Variants in REL observed in about 807,000 individuals in gnomAD.
REL encodes the protein REL proto-oncogene, NF-kB subunit.
A neutral mutation model predicts 45.9 loss-of-function variants in REL; 15 were observed. That is an observed-to-expected ratio of 0.33 (90% CI 0.22 to 0.50). The LOEUF is 0.50. Among genes scored for constraint, REL ranks in the 20% least tolerant of loss-of-function variants. REL has a pLI of 0.98. For missense variants in REL, 601 were observed against 715.2 expected (o/e 0.84, Z 1.82); for synonymous variants, 239 against 242.1 (o/e 0.99, Z 0.12).
Position 60,920,606 on chromosome 2 carries a change from C to T in REL, c.955C>T (p.Leu319Phe), listed in dbSNP as rs1674115316. ...NFPERPRPGLLGSIGEGRYFK... is the reference protein window; with the variant it reads ...NFPERPRPGLFGSIGEGRYFK... ...TCCTGAGAGACCAAGACCTGGTCTC[C>T]TCGGTTCAATTGGAGAAGGAAGATA... The change falls in exon 9 of 10, where the codon CTC (leucine) becomes TTC (phenylalanine). Residue 319 changes from leucine (L) to phenylalanine (F), a missense_variant. Coordinates refer to ENST00000394479, the MANE Select transcript of REL (RefSeq NM_001291746.2). 7.5e-6 allele frequency: 12 copies of T among 1,605,194 alleles called. No homozygotes were observed. Among genetic ancestry groups the T allele is most frequent in the Non-Finnish European group, 1.0e-5 (12 of 1,173,860 alleles).
At chr2:60,891,587 T>G in intron 1 of REL, 96 bp from the exon 2 acceptor site, 1 of 1,109,654 alleles carries the variant, frequency 9.0e-7, no homozygotes, top group South Asian at 1.9e-5. Flanking sequence ...AAAATCTTTG[T>G]TTTAGTCTGC....
Position 60,894,395 on chromosome 2 carries a change from A to C in REL, c.154-2A>C. On this transcript the variant is annotated splice_acceptor_variant, in intron 2 of 9. Coordinates refer to ENST00000394479, the MANE Select transcript of REL (RefSeq NM_001291746.2). LOFTEE classifies it high-confidence loss of function. ...ATGTATTTAATTTCCCCCTTTTTTC[A>C]GATTATGAACTATTATGGAAAAGGA... is the stretch of plus-strand genomic sequence containing the variant. The C allele has an allele frequency of 6.8e-7, 1 of 1,475,240 alleles. No individual in the cohort carries two copies. Among genetic ancestry groups the C allele is most frequent in the Non-Finnish European group, 9.2e-7 (1 of 1,092,526 alleles). The allele number at this position is 1,475,240 out of a possible 1,614,324, so 91.4% of individuals were successfully genotyped here.
At position 60,922,738 on chromosome 2, in the gene REL, G is replaced by C. The variant is rs1047794564; in HGVS notation, c.*203G>C. 1.3e-5 allele frequency: 15 copies of C among 1,178,000 alleles called. No homozygotes were observed. In the African/African-American group the frequency reaches 2.4e-4, roughly 19 times the overall value. The allele number at this position is 1,178,000 out of a possible 1,614,324, so 73.0% of individuals were successfully genotyped here. ...GGACATAGCGAATACAAAATTGGAA[G>C]CTGTCATAAAAAGACAACTCAGAGG... On this transcript the variant is annotated 3_prime_UTR_variant, in exon 10 of 10. Coordinates refer to ENST00000394479, the MANE Select transcript of REL (RefSeq NM_001291746.2).
chr2:60,906,398 C>G (rs1234578580), intron 4 of REL, among the ~76,000 whole-genome samples: 1 of 152,150 alleles, frequency 6.6e-6, no homozygotes, highest in African/African-American at 2.4e-5. Flanking sequence ...TCAGTGGTTC[C>G]CAAGCTACAA....
chr2:60,898,392 T>A (rs1673409984), intron 3 of REL, among the ~76,000 whole-genome samples: 1 of 152,244 alleles, frequency 6.6e-6, no homozygotes, highest in Non-Finnish European at 1.5e-5. Context: ...ATTTTTATAC[T>A]CCACTCACAA....
At chr2:60,895,441 A>G (rs946179899) in intron 3 of REL, among the ~76,000 whole-genome samples, 2 of 152,104 alleles carry the variant, frequency 1.3e-5, no homozygotes, top group South Asian at 2.1e-4. Context: ...TTGGCCTCCC[A>G]AAGTGCTTGG....
chr2:60,900,946 C>A, intron 3 of REL, 46 bp from the exon 4 acceptor site: 1 of 1,499,878 alleles, frequency 6.7e-7, no homozygotes, highest in Non-Finnish European at 9.2e-7. Flanking sequence ...TTGCAATATT[C>A]CTTGTGTTTA....
At chr2:60,903,190 C>T (rs1320984490) in intron 4 of REL, among the ~76,000 whole-genome samples, 2 of 152,182 alleles carry the variant, frequency 1.3e-5, no homozygotes, top group Non-Finnish European at 2.9e-5. Flanking sequence ...TTTATGCACA[C>T]TACTTTATTT....
intron 7 of REL, 116 bp from the exon 8 acceptor site, chr2:60,919,925 C>T: frequency 1.5e-6 from 1 of 649,552 alleles, no homozygotes; most frequent in South Asian, 2.0e-5. Context: ...TTAAATCCAA[C>T]TTACATACAT....
Position 60,881,664 on chromosome 2 carries a change from G to A in REL, c.-177G>A, listed in dbSNP as rs1672938456. On this transcript the variant is annotated 5_prime_UTR_variant, in exon 1 of 10. Coordinates refer to ENST00000394479, the MANE Select transcript of REL (RefSeq NM_001291746.2). ...CCCGGGGTGCAAGAATTCAGGGGTT[G>A]GGAAGGTGTGAGCCGCAAACCCAGC... The A allele has an allele frequency of 1.8e-6, 1 of 541,650 alleles. No individual in the cohort carries two copies. The highest frequency in any genetic ancestry group is 3.3e-6 in the Non-Finnish European group (1 of 306,410). The allele number at this position is 541,650 out of a possible 1,614,324, so 33.6% of individuals were successfully genotyped here.
chr2:60,889,502 T>C (rs898893231), intron 1 of REL, among the ~76,000 whole-genome samples: 4 of 152,206 alleles, frequency 2.6e-5, no homozygotes, highest in African/African-American at 4.8e-5. Flanking sequence ...TTAGGGTACA[T>C]GTACACATCG....
chr2:60,917,149 A>C (rs1005137368), intron 5 of REL, 132 bp downstream of exon 5: 2 of 745,734 alleles, frequency 2.7e-6, no homozygotes, highest in Non-Finnish European at 4.2e-6. Flanking sequence ...AGAGAAATAT[A>C]TAACAGAAAG....
intron 4 of REL, among the ~76,000 whole-genome samples, chr2:60,911,743 G>T (rs1035383929): frequency 3.3e-5 from 5 of 152,066 alleles, no homozygotes; most frequent in African/African-American, 1.2e-4. Context: ...GCTCACACCT[G>T]TAATCCCAGC....
intron 4 of REL, among the ~76,000 whole-genome samples, chr2:60,906,375 A>AT (rs1234356407): frequency 6.6e-6 from 1 of 152,134 alleles, no homozygotes; most frequent in Non-Finnish European, 1.5e-5. Context: ...AGCCCACTAA[A>AT]TTAATTTTAC....
intron 4 of REL, among the ~76,000 whole-genome samples, chr2:60,904,440 G>A (rs544485826): frequency 2.7e-5 from 4 of 150,674 alleles, no homozygotes; most frequent in South Asian, 2.1e-4. Context: ...GCGTGGTGGC[G>A]CACACCTGTG....
At chr2:60,917,971 A>G (rs1674028402) in intron 5 of REL, among the ~76,000 whole-genome samples, 1 of 152,214 alleles carries the variant, frequency 6.6e-6, no homozygotes, top group South Asian at 2.1e-4. Context: ...AGATGTAATT[A>G]GAGAATATGT....
chr2:60,929,809 T>TA lies in REL; in HGVS notation c.*7277dup, dbSNP rs1312026401. The stretch of plus-strand genomic sequence containing the variant: ...CAATGTGCACATGTACCCTAAAGCT[T>TA]AAAGTATAATAAAAAATAAATAAAT... On this transcript the variant is annotated 3_prime_UTR_variant, in exon 10 of 10. Coordinates refer to ENST00000394479, the MANE Select transcript of REL (RefSeq NM_001291746.2). 4 of 151,608 alleles carry TA rather than the reference T, an allele frequency of 2.6e-5. No homozygotes were observed. Among genetic ancestry groups the TA allele is most frequent in the African/African-American group, 7.3e-5 (3 of 41,242 alleles). The allele number at this position is 151,608 out of a possible 1,614,324, so 9.4% of individuals were successfully genotyped here.
Position 60,925,187 on chromosome 2 carries a change from G to A in REL, c.*2652G>A, listed in dbSNP as rs947798614. The A allele has an allele frequency of 1.0e-5, 2 of 199,702 alleles. No individual in the cohort carries two copies. Among genetic ancestry groups the A allele is most frequent in the Non-Finnish European group, 2.1e-5 (2 of 96,590 alleles). The allele number at this position is 199,702 out of a possible 1,614,324, so 12.4% of individuals were successfully genotyped here. A position where few individuals can be genotyped will look rare whatever the true frequency, so the allele number is the denominator to read the frequency against. On this transcript the variant is annotated 3_prime_UTR_variant, in exon 10 of 10. Transcript: ENST00000394479. Reference sequence around the variant, plus strand: ...TTTACAACTAGAACCTGCCCTAAATGTTGAATATCTTCCTAGCAAGAAACA... The same window carrying A: ...TTTACAACTAGAACCTGCCCTAAATATTGAATATCTTCCTAGCAAGAAACA...
chr2:60,882,932 A>G (rs1268259683), intron 1 of REL, among the ~76,000 whole-genome samples: 1 of 152,176 alleles, frequency 6.6e-6, no homozygotes, highest in Non-Finnish European at 1.5e-5. Context: ...TTGCAGAGCA[A>G]GAAAGTCTCC....
Sources: allele counts gnomAD v4.1 joint callset (sites outside exome capture counted in the v4.1 genomes callset), GRCh38; gene constraint gnomAD v4.1.1; transcripts MANE v1.5; gene names NCBI Gene and HGNC (gene_info 2026-07-23, HGNC 2026-07-21).